TMEM108: variants seen among roughly 807,000 people sequenced by gnomAD.
TMEM108 encodes cancer/testis antigen 124.
In TMEM108, 12 loss-of-function variants were observed where a neutral mutation model predicts 35.1. The ratio of observed to expected loss-of-function variants is 0.34; its 90% CI spans 0.22 to 0.55. The LOEUF (loss-of-function observed/expected upper bound fraction) is 0.55. TMEM108 is among the 20% of genes least tolerant of loss of function. The pLI, the probability that TMEM108 is intolerant of heterozygous loss-of-function variation, is 0.89. For missense variants in TMEM108, 680 were observed against 753.3 expected, an observed-to-expected ratio of 0.90 and a Z score of 1.14; for synonymous variants, 287 against 308.6, an observed-to-expected ratio of 0.93 and a Z score of 0.73.
intron 3 of TMEM108, among the ~76,000 whole-genome samples, chr3:133,300,605 T>G (rs1411596842): frequency 2.6e-5 from 4 of 152,058 alleles, no homozygotes; most frequent in African/African-American, 9.7e-5. Context: ...GCAGAGAGCC[T>G]TTTTGTGGTT....
chr3:133,381,075 A>G lies in TMEM108; in HGVS notation c.1364A>G (p.Lys455Arg). 1 of 1,614,186 alleles carries G rather than the reference A, an allele frequency of 6.2e-7. No homozygotes were observed. Among genetic ancestry groups the G allele is most frequent in the Non-Finnish European group, 8.5e-7 (1 of 1,180,030 alleles). ...ATCTCCCATGTGGCCGAGGGGGACA[A>G]ACCGCAGCACAGAGCCACCATCTGC... ...GNISHVAEGD[K>R]PQHRATICLS... Residue 455 changes from lysine (K) to arginine (R), a missense_variant, in exon 4 of 6, where the codon AAA becomes AGA. By Grantham distance (26) the Lys-to-Arg change is conservative. Around this residue, in one of 3 missense-constraint regions of TMEM108, gnomAD observed 526 missense variants for 532.1 expected, o/e 0.99. Transcript: ENST00000321871.
chr3:133,149,369 G>T (rs540491830), intron 2 of TMEM108, among the ~76,000 whole-genome samples: 1 of 152,264 alleles, frequency 6.6e-6, no homozygotes, highest in African/African-American at 2.4e-5. Flanking sequence ...TTGATGTATG[G>T]TGAGAACACT....
intron 3 of TMEM108, among the ~76,000 whole-genome samples, chr3:133,238,992 G>A (rs1471050606): frequency 2.0e-5 from 3 of 152,100 alleles, no homozygotes; most frequent in Middle Eastern, 3.2e-3. Context: ...GTCTTCCCTT[G>A]TGTTTTACAC....
At chr3:133,301,241 A>G (rs1947221055) in intron 3 of TMEM108, among the ~76,000 whole-genome samples, 1 of 152,172 alleles carries the variant, frequency 6.6e-6, no homozygotes, top group South Asian at 2.1e-4. Context: ...ATTTGCTCTT[A>G]GGACCTAATG....
intron 2 of TMEM108, among the ~76,000 whole-genome samples, chr3:133,093,689 G>C (rs983686153): frequency 6.6e-6 from 1 of 152,210 alleles, no homozygotes; most frequent in African/African-American, 2.4e-5. Flanking sequence ...CTTACTGGGT[G>C]GAAGAAACTT....
At chr3:133,326,051 G>A (rs1229694939) in intron 3 of TMEM108, among the ~76,000 whole-genome samples, 5 of 152,106 alleles carry the variant, frequency 3.3e-5, no homozygotes, top group Admixed American at 3.3e-4. Context: ...GTTCATGAGG[G>A]TGGTTATACT....
intron 2 of TMEM108, among the ~76,000 whole-genome samples, chr3:133,197,897 G>T (rs1393293695): frequency 6.6e-6 from 1 of 152,158 alleles, no homozygotes; most frequent in East Asian, 1.9e-4. Context: ...TTTGTTAGAA[G>T]CCTCTGACAA....
At chr3:133,065,551 T>G (rs552009471) in intron 2 of TMEM108, among the ~76,000 whole-genome samples, 12 of 152,228 alleles carry the variant, frequency 7.9e-5, no homozygotes, top group Non-Finnish European at 1.6e-4. Flanking sequence ...TGAAAGGACC[T>G]TGACATAAGG....
chr3:133,245,269 C>T (rs1049730319), intron 3 of TMEM108, among the ~76,000 whole-genome samples: 24 of 152,206 alleles, frequency 1.6e-4, no homozygotes, highest in African/African-American at 5.8e-4. Flanking sequence ...TCCAGATTCT[C>T]AGTGCAGTGT....
intron 2 of TMEM108, among the ~76,000 whole-genome samples, chr3:133,184,337 C>T (rs1034987611): frequency 2.0e-5 from 3 of 152,124 alleles, no homozygotes; most frequent in Non-Finnish European, 2.9e-5. Context: ...TTTTAATTCA[C>T]AGCCAAGACT....
intron 3 of TMEM108, among the ~76,000 whole-genome samples, chr3:133,269,076 G>A (rs879264678): frequency 2.0e-5 from 3 of 152,112 alleles, no homozygotes; most frequent in Non-Finnish European, 2.9e-5. Context: ...TCTGCCGGCT[G>A]GCAAGTGCCA....
chr3:133,387,366 A>G (rs1490671891), intron 4 of TMEM108: 1 of 985,332 alleles, frequency 1.0e-6, no homozygotes, highest in African/African-American at 1.7e-5. Context: ...AGTAAATGAA[A>G]TGGTGTTTGA....
intron 2 of TMEM108, among the ~76,000 whole-genome samples, chr3:133,154,579 G>A (rs918644469): frequency 6.6e-6 from 1 of 152,098 alleles, no homozygotes; most frequent in East Asian, 1.9e-4. Flanking sequence ...GATGAAGCTG[G>A]AAACCATCAT....
intron 2 of TMEM108, among the ~76,000 whole-genome samples, chr3:133,051,817 G>A (rs1286178590): frequency 1.3e-5 from 2 of 152,064 alleles, no homozygotes; most frequent in Admixed American, 1.3e-4. Context: ...TCTGGATGTA[G>A]GTATATTTCT....
At position 133,109,699 on chromosome 3, in the gene TMEM108, T is replaced by G. The variant is rs1576323361; in HGVS notation, c.-47+63679T>G. 4.6e-5 allele frequency among the ~76,000 whole-genome samples: 7 copies of G among 152,308 alleles called. No homozygotes were observed. In the South Asian group the frequency reaches 1.5e-3, roughly 32 times the overall value. On this transcript the variant is annotated intron_variant, in intron 2 of 5. Coordinates refer to ENST00000321871, the MANE Select transcript of TMEM108 (RefSeq NM_023943.4). ...ATTTAATTTCTAAGACTCATAAAGG[T>G]ATGGAAAACATGAGAAAGGCTGTCA...
chr3:133,241,446 G>T (rs1222438616), intron 3 of TMEM108, among the ~76,000 whole-genome samples: 1 of 152,276 alleles, frequency 6.6e-6, no homozygotes, highest in Non-Finnish European at 1.5e-5. Context: ...TCTGCTGCAA[G>T]CATCCTAGCA....
chr3:133,206,754 G>T (rs1017573436), intron 2 of TMEM108, among the ~76,000 whole-genome samples: 2 of 152,220 alleles, frequency 1.3e-5, no homozygotes, highest in African/African-American at 2.4e-5. Flanking sequence ...GCTGTGAAGT[G>T]TCTCCTAGTC....
intron 2 of TMEM108, among the ~76,000 whole-genome samples, chr3:133,183,316 T>C (rs1010604301): frequency 8.5e-5 from 13 of 152,212 alleles, no homozygotes; most frequent in Non-Finnish European, 8.8e-5. Flanking sequence ...TAAAGTCTTA[T>C]CTTATTCCTA....
intron 2 of TMEM108, among the ~76,000 whole-genome samples, chr3:133,186,848 C>A (rs867651099): frequency 6.6e-6 from 1 of 151,920 alleles, no homozygotes; most frequent in Non-Finnish European, 1.5e-5. Context: ...TAATATATAT[C>A]ATTTCTCCTC....
Sources: allele counts gnomAD v4.1 joint callset (sites outside exome capture counted in the v4.1 genomes callset), GRCh38; gene constraint gnomAD v4.1.1; regional missense constraint gnomAD v4.1.1; transcripts MANE v1.5; gene names NCBI Gene and HGNC (gene_info 2026-07-23, HGNC 2026-07-21).